Variants in MDGA2 observed in about 807,000 individuals in gnomAD.
MDGA2 encodes MAM domain containing glycosylphosphatidylinositol anchor 2.
Under a neutral mutation model 117.8 loss-of-function variants are expected in MDGA2, and 40 were observed. The observed-to-expected ratio is 0.34, with a 90% CI of 0.26 to 0.44. MDGA2 has a LOEUF of 0.44. MDGA2 is among the 20% of genes least tolerant of loss of function. The pLI is 1.00. For synonymous variants in MDGA2, 452 were observed against 439.0 expected (o/e 1.03, Z -0.37); for missense variants, 1,123 against 1,250.6 (o/e 0.90, Z 1.54).
intron 7 of MDGA2, among the ~76,000 whole-genome samples, chr14:47,053,654 T>TATACACACAC (rs1889552982): frequency 3.0e-5 from 2 of 67,258 alleles, no homozygotes; most frequent in Non-Finnish European, 6.1e-5. Flanking sequence ...TATATATATA[T>TATACACACAC]ACACACACAC....
rs552108184 is a variant in MDGA2 at position 47,265,144 on chromosome 14, A to T, written c.420+36267T>A. 5.3e-5 allele frequency among the ~76,000 whole-genome samples: 8 copies of T among 152,296 alleles called. No homozygotes were observed. In the South Asian group the frequency reaches 1.7e-3, roughly 32 times the overall value. ...TTACCACTATAATGGCATTGAATGC[A>T]GAGTTAGGAAGAGATGCACTGTACA... On this transcript the variant is annotated intron_variant, in intron 2 of 16. Coordinates refer to ENST00000399232, the MANE Select transcript of MDGA2 (RefSeq NM_001113498.3).
At chr14:47,151,274 T>G (rs1400486034) in intron 3 of MDGA2, among the ~76,000 whole-genome samples, 1 of 152,194 alleles carries the variant, frequency 6.6e-6, no homozygotes, top group African/African-American at 2.4e-5. Context: ...AGAGTTTTCC[T>G]ACAAAGGAGA....
intron 8 of MDGA2, among the ~76,000 whole-genome samples, chr14:47,020,324 G>C (rs1358560369): frequency 2.0e-5 from 3 of 152,138 alleles, no homozygotes; most frequent in Non-Finnish European, 1.5e-5. Flanking sequence ...CATTTATTTA[G>C]TCATCAATGT....
chr14:47,578,251 C>A (rs551691592), intron 1 of MDGA2, among the ~76,000 whole-genome samples: 74 of 151,804 alleles, frequency 4.9e-4, no homozygotes, highest in African/African-American at 1.5e-3. Flanking sequence ...CAGAGCCAGT[C>A]AGGGGGTGGG....
intron 1 of MDGA2, among the ~76,000 whole-genome samples, chr14:47,360,026 GA>G (rs968215773): frequency 2.0e-5 from 3 of 151,976 alleles, no homozygotes; most frequent in Admixed American, 2.0e-4. Flanking sequence ...CAACTCAGTA[GA>G]AAAAAATAAA....
chr14:47,088,507 G>A (rs908802358), intron 6 of MDGA2, among the ~76,000 whole-genome samples: 3 of 152,128 alleles, frequency 2.0e-5, no homozygotes, highest in Admixed American at 6.6e-5. Context: ...CTATTGATGA[G>A]TAAAAATTAA....
At chr14:47,004,743 T>A (rs563153488) in intron 8 of MDGA2, among the ~76,000 whole-genome samples, 14 of 151,918 alleles carry the variant, frequency 9.2e-5, no homozygotes, top group African/African-American at 3.4e-4. Flanking sequence ...TCTTTGTTAA[T>A]GTTTTTCTCT....
At chr14:47,603,099 T>TA (rs1387109462) in intron 1 of MDGA2, among the ~76,000 whole-genome samples, 1 of 152,164 alleles carries the variant, frequency 6.6e-6, no homozygotes, top group Non-Finnish European at 1.5e-5. Context: ...TGAGTCTATA[T>TA]ATAATCTACC....
At chr14:46,865,120 T>C (rs1412647788) in intron 14 of MDGA2, among the ~76,000 whole-genome samples, 1 of 152,100 alleles carries the variant, frequency 6.6e-6, no homozygotes, top group East Asian at 1.9e-4. Flanking sequence ...AGAAATACAG[T>C]CTTTGACCAA....
chr14:46,995,943 G>A lies in MDGA2; in HGVS notation c.1820-38300C>T, dbSNP rs368707484. Among the ~76,000 whole-genome samples, 54 of 151,998 alleles carry A rather than the reference G, an allele frequency of 3.6e-4. No individual in the cohort carries two copies. In the East Asian group the frequency reaches 9.7e-3, roughly 27 times the overall value. On this transcript the variant is annotated intron_variant, in intron 8 of 16. Coordinates refer to ENST00000399232, the MANE Select transcript of MDGA2 (RefSeq NM_001113498.3). Reference sequence around the variant, plus strand: ...TTTAATTCAGTTGGTTGAAAAAAATGAAGACCGCATTTCATTTTTTACATT... The same window carrying A: ...TTTAATTCAGTTGGTTGAAAAAAATAAAGACCGCATTTCATTTTTTACATT...
intron 2 of MDGA2, among the ~76,000 whole-genome samples, chr14:47,276,984 C>T (rs1191859295): frequency 2.0e-5 from 3 of 152,172 alleles, no homozygotes; most frequent in African/African-American, 2.4e-5. Context: ...TACCACACCA[C>T]TACCAGCCTG....
chr14:47,429,459 G>A (rs923041736), intron 1 of MDGA2, among the ~76,000 whole-genome samples: 2 of 152,042 alleles, frequency 1.3e-5, no homozygotes, highest in African/African-American at 4.8e-5. Flanking sequence ...TTCATGGTCT[G>A]CAGACTTTCT....
At chr14:47,425,544 T>G (rs2138515492) in intron 1 of MDGA2, among the ~76,000 whole-genome samples, 1 of 152,164 alleles carries the variant, frequency 6.6e-6, no homozygotes, top group East Asian at 1.9e-4. Context: ...GAAAAGCCAC[T>G]GAGGCTATAA....
At chr14:47,329,742 T>C (rs1451743514) in intron 1 of MDGA2, among the ~76,000 whole-genome samples, 3 of 152,044 alleles carry the variant, frequency 2.0e-5, no homozygotes, top group Admixed American at 6.6e-5. Context: ...AGTTAATATA[T>C]ACAATTTGAC....
At chr14:47,379,458 G>C (rs185565996) in intron 1 of MDGA2, among the ~76,000 whole-genome samples, 1 of 152,056 alleles carries the variant, frequency 6.6e-6, no homozygotes, top group Non-Finnish European at 1.5e-5. Flanking sequence ...ATCAGTGTGC[G>C]GTATTTAGGA....
chr14:47,203,131 G>A (rs1885569908), intron 3 of MDGA2, among the ~76,000 whole-genome samples: 1 of 151,926 alleles, frequency 6.6e-6, no homozygotes, highest in Non-Finnish European at 1.5e-5. Flanking sequence ...TGCAGTAACA[G>A]GAATCCAGGT....
chr14:47,146,341 T>C (rs1201798080), intron 3 of MDGA2, among the ~76,000 whole-genome samples: 2 of 152,202 alleles, frequency 1.3e-5, no homozygotes, highest in African/African-American at 2.4e-5. Context: ...CCTCTAATTT[T>C]AGTAGTTTAA....
At chr14:46,968,254 G>T (rs923677735) in intron 8 of MDGA2, among the ~76,000 whole-genome samples, 1 of 152,088 alleles carries the variant, frequency 6.6e-6, no homozygotes, top group Non-Finnish European at 1.5e-5. Flanking sequence ...CTGTTCCACA[G>T]GTGCCTGCCT....
intron 10 of MDGA2, among the ~76,000 whole-genome samples, chr14:46,891,453 C>T (rs1882881037): frequency 6.6e-6 from 1 of 151,502 alleles, no homozygotes; most frequent in East Asian, 1.9e-4. Flanking sequence ...TAATTGCTAA[C>T]ACTTACCTTA....
Sources: allele counts gnomAD v4.1 joint callset (sites outside exome capture counted in the v4.1 genomes callset), GRCh38; gene constraint gnomAD v4.1.1; transcripts MANE v1.5; gene names NCBI Gene and HGNC (gene_info 2026-07-23, HGNC 2026-07-21).